Variants in TACR1 observed in about 807,000 individuals in gnomAD.
The protein encoded by TACR1 is tachykinin receptor 1, also known as substance-P receptor.
TACR1 carries 25 observed loss-of-function variants against 35.8 expected under a neutral mutation model. That is an observed-to-expected ratio of 0.70 (90% CI 0.51 to 0.98). The LOEUF (loss-of-function observed/expected upper bound fraction) is 0.98. Ranked by LOEUF, TACR1 falls within the 50% of genes least tolerant of loss-of-function variation. The pLI is 0.00. For missense variants in TACR1, 478 were observed against 522.9 expected, an observed-to-expected ratio of 0.91 and a Z score of 0.84; for synonymous variants, 195 against 206.7, an observed-to-expected ratio of 0.94 and a Z score of 0.48.
chr2:75,188,473 C>G (rs1675761411), intron 1 of TACR1: 1 of 152,220 alleles, frequency 6.6e-6, no homozygotes, highest in African/African-American at 2.4e-5. Flanking sequence ...CCCTCATGAG[C>G]TCAGGCAGCT....
At chr2:75,187,727 A>G (rs1311860278) in intron 1 of TACR1, 1 of 152,230 alleles carries the variant, frequency 6.6e-6, no homozygotes, top group Non-Finnish European at 1.5e-5. Context: ...GGGTTCATGC[A>G]TTTGTGAAGC....
At position 75,134,162 on chromosome 2, in the gene TACR1, T is replaced by G. The variant is rs372747122; in HGVS notation, c.390-13394A>C. On this transcript the variant is annotated intron_variant, in intron 1 of 4. Transcript: ENST00000305249. ...AGCAACCAGCAGCCCTTGGGGCTGC[T>G]CTGCCTGTGGAGTAGCCATTCTTTA... Among the ~76,000 whole-genome samples, 16 of 152,346 alleles carry G rather than the reference T, an allele frequency of 1.1e-4. No homozygotes were observed. The East Asian group carries it at 2.7e-3, about 26-fold the overall frequency.
At chr2:75,148,973 T>C (rs916282413) in intron 1 of TACR1, among the ~76,000 whole-genome samples, 1 of 152,250 alleles carries the variant, frequency 6.6e-6, no homozygotes, top group African/African-American at 2.4e-5. Context: ...ATTTATTAGA[T>C]AGGGAATCCT....
intron 1 of TACR1, among the ~76,000 whole-genome samples, chr2:75,128,191 C>G (rs1222008205): frequency 6.6e-6 from 1 of 152,218 alleles, no homozygotes; most frequent in Non-Finnish European, 1.5e-5. Context: ...AAGCTGGCGG[C>G]TCCACTTAGG....
intron 1 of TACR1, chr2:75,187,631 A>C (rs1362168711): frequency 6.6e-6 from 1 of 152,196 alleles, no homozygotes; most frequent in Non-Finnish European, 1.5e-5. Context: ...TTTGTACCGT[A>C]GTGTGATTTT....
intron 1 of TACR1, among the ~76,000 whole-genome samples, chr2:75,130,545 G>T (rs1674158043): frequency 6.6e-6 from 1 of 152,220 alleles, no homozygotes; most frequent in African/African-American, 2.4e-5. Flanking sequence ...ATTTTTGATA[G>T]TGCTTTCTTA....
At chr2:75,154,420 A>G (rs78045137) in intron 1 of TACR1, 6,737 of 70,870 alleles carry the variant, frequency 0.095, 944 homozygotes, top group Middle Eastern at 0.16. Context: ...GCACACACAC[A>G]CACACACACA....
At chr2:75,168,500 G>A (rs563394599) in intron 1 of TACR1, among the ~76,000 whole-genome samples, 3 of 152,176 alleles carry the variant, frequency 2.0e-5, no homozygotes, top group Admixed American at 1.3e-4. Context: ...ATGGAGGAAG[G>A]GGGCAGTGAG....
intron 2 of TACR1, among the ~76,000 whole-genome samples, chr2:75,117,977 G>A (rs887931085): frequency 2.0e-5 from 3 of 152,192 alleles, no homozygotes; most frequent in Admixed American, 6.5e-5. Flanking sequence ...TAGGCTCAGA[G>A]CCTTAAATTG....
intron 1 of TACR1, chr2:75,186,730 T>TC (rs1262777787): frequency 6.6e-6 from 1 of 152,180 alleles, no homozygotes; most frequent in African/African-American, 2.4e-5. Flanking sequence ...ATCTGCTTAA[T>TC]CAGAATGTTA....
intron 1 of TACR1, 49 bp downstream of exon 1, chr2:75,198,497 G>A (rs2024512): frequency 0.47 from 750,219 of 1,588,712 alleles, 182,176 homozygotes; most frequent in African/African-American, 0.8. Flanking sequence ...CAGCAATGCC[G>A]TGGTCCTCTA....
Position 75,053,609 on chromosome 2 carries a change from C to A in TACR1, c.731G>T (p.Arg244Leu), listed in dbSNP as rs779023517. 3 of 1,542,150 alleles carry A rather than the reference C, an allele frequency of 1.9e-6. No homozygotes were observed. The highest frequency in any genetic ancestry group is 2.6e-6 in the Non-Finnish European group (3 of 1,145,236). ...TTCTGCCTGTCCCCTGCTCACCTTG[C>A]GCTTGGCAGAGACTTGCTCGTGGTA... ...DRYHEQVSAK[R>L]KVVKMMIVVV... The change falls in exon 3 of 5, where the codon CGC (arginine) becomes CTC (leucine). Residue 244 changes from arginine (R) to leucine (L), a missense_variant. Physicochemically the swap from Arg to Leu is moderately radical, Grantham distance 102 (BLOSUM62 -2). Coordinates refer to ENST00000305249, the MANE Select transcript of TACR1 (RefSeq NM_001058.4).
chr2:75,150,474 G>A (rs905060722), intron 1 of TACR1, among the ~76,000 whole-genome samples: 4 of 152,242 alleles, frequency 2.6e-5, no homozygotes, highest in African/African-American at 9.6e-5. Context: ...GAGATCTGAT[G>A]AGTTTATCAG....
intron 2 of TACR1, among the ~76,000 whole-genome samples, chr2:75,073,184 T>G (rs973135936): frequency 2.0e-5 from 3 of 152,254 alleles, no homozygotes; most frequent in African/African-American, 7.2e-5. Flanking sequence ...CACAGCTGAC[T>G]TCATTTCCAC....
At chr2:75,141,718 T>G (rs1456562475) in intron 1 of TACR1, among the ~76,000 whole-genome samples, 1 of 152,166 alleles carries the variant, frequency 6.6e-6, no homozygotes, top group East Asian at 1.9e-4. Context: ...CATGGCTCTT[T>G]CCCCAAAAAG....
chr2:75,095,827 G>A (rs979674172), intron 2 of TACR1, among the ~76,000 whole-genome samples: 7 of 152,092 alleles, frequency 4.6e-5, no homozygotes, highest in African/African-American at 1.2e-4. Flanking sequence ...TGTCCCTTCT[G>A]TGTGCCCTTC....
At position 75,193,716 on chromosome 2, in the gene TACR1, C is replaced by G. The variant is rs79306530; in HGVS notation, c.389+4830G>C. ...ATCTTCAAGGCCTAACTCAGTTGCCCTATCTTGAGGTCTTCCTTGATCATT... is the reference window on the plus strand; with the variant it reads ...ATCTTCAAGGCCTAACTCAGTTGCCGTATCTTGAGGTCTTCCTTGATCATT... On this transcript the variant is annotated intron_variant, in intron 1 of 4. Transcript: ENST00000305249. Among the ~76,000 whole-genome samples the G allele has an allele frequency of 4.6e-5, 7 of 152,196 alleles. No individual in the cohort carries two copies. In the East Asian group the frequency reaches 1.3e-3, roughly 29 times the overall value.
chr2:75,193,947 C>G (rs570377324), intron 1 of TACR1, among the ~76,000 whole-genome samples: 84 of 152,296 alleles, frequency 5.5e-4, no homozygotes, highest in African/African-American at 1.9e-3. Flanking sequence ...ACTTGATAGA[C>G]TGAATATCTT....
chr2:75,058,855 T>C (rs1046473286), intron 2 of TACR1, among the ~76,000 whole-genome samples: 7 of 152,270 alleles, frequency 4.6e-5, no homozygotes, highest in Non-Finnish European at 1.0e-4. Context: ...GGGATCATTG[T>C]TGAAAGCAAG....
Sources: gnomAD v4.1 joint callset for allele counts (sites outside exome capture counted in the v4.1 genomes callset) on GRCh38, gnomAD v4.1.1 for gene constraint, MANE v1.5 for transcripts, NCBI Gene and HGNC (gene_info 2026-07-23, HGNC 2026-07-21) for gene names.